The following TULP4 variants were observed in gnomAD, a reference collection of about 807,000 sequenced individuals.
The protein encoded by TULP4 is tubby-related protein 4.
In TULP4, 16 loss-of-function variants were observed where a neutral mutation model predicts 129.0. The observed-to-expected ratio is 0.12, with a 90% CI of 0.08 to 0.19. The LOEUF (loss-of-function observed/expected upper bound fraction) is 0.19. TULP4 is among the 10% of genes least tolerant of loss of function. TULP4 has a pLI of 1.00. For missense variants in TULP4, 1,842 were observed against 2,059.1 expected, an observed-to-expected ratio of 0.89 and a Z score of 2.04; for synonymous variants, 998 against 854.0, an observed-to-expected ratio of 1.17 and a Z score of -2.94.
At chr6:158,454,621 T>C (rs1779251524) in intron 5 of TULP4, among the ~76,000 whole-genome samples, 1 of 151,998 alleles carries the variant, frequency 6.6e-6, no homozygotes, top group Non-Finnish European at 1.5e-5. Flanking sequence ...TTTTTTTTTT[T>C]TGAGATGGAG....
At chr6:158,234,732 T>C (rs1777656956) in intron 1 of TULP4, among the ~76,000 whole-genome samples, 1 of 152,232 alleles carries the variant, frequency 6.6e-6, no homozygotes, top group Non-Finnish European at 1.5e-5. Flanking sequence ...AATTGTACAT[T>C]TGTCTTTAGT....
At chr6:158,266,603 A>G (rs1235694073) in intron 1 of TULP4, among the ~76,000 whole-genome samples, 1 of 152,210 alleles carries the variant, frequency 6.6e-6, no homozygotes, top group Non-Finnish European at 1.5e-5. Flanking sequence ...GGCTCTACAT[A>G]TCCGCAGGTT....
upstream of TULP4, among the ~76,000 whole-genome samples, chr6:158,308,619 T>C (rs1331631052): frequency 9.2e-3 from 812 of 88,144 alleles, no homozygotes; most frequent in Middle Eastern, 0.037. Context: ...GGGCGGCTGG[T>C]CGGGCGGGGG....
intron 1 of TULP4, among the ~76,000 whole-genome samples, chr6:158,300,244 C>A (rs958507129): frequency 5.3e-5 from 8 of 152,208 alleles, no homozygotes; most frequent in African/African-American, 1.9e-4. Context: ...CTCTTCCCCA[C>A]GTTGTAATTG....
chr6:158,280,525 G>A (rs1339846453), upstream of TULP4, among the ~76,000 whole-genome samples: 1 of 152,244 alleles, frequency 6.6e-6, no homozygotes, highest in Non-Finnish European at 1.5e-5. Context: ...TGCCAAAGGA[G>A]AAAACTGGTC....
intron 6 of TULP4, among the ~76,000 whole-genome samples, chr6:158,476,216 G>A (rs1343350013): frequency 6.6e-6 from 1 of 152,054 alleles, no homozygotes; most frequent in Non-Finnish European, 1.5e-5. Flanking sequence ...CAATGTGTCC[G>A]TGCCCTGCCC....
At chr6:158,268,744 G>A (rs1204261414) in intron 1 of TULP4, among the ~76,000 whole-genome samples, 2 of 152,084 alleles carry the variant, frequency 1.3e-5, no homozygotes, top group African/African-American at 4.8e-5. Flanking sequence ...TTTTCCAGAT[G>A]GAAAATTATA....
At chr6:158,450,259 G>T (rs1377687659) in intron 4 of TULP4, among the ~76,000 whole-genome samples, 2 of 152,160 alleles carry the variant, frequency 1.3e-5, no homozygotes, top group East Asian at 1.9e-4. Flanking sequence ...TAGTCAAAGG[G>T]CACAGTGGGT....
rs181632447 is a variant in TULP4 at position 158,343,259 on chromosome 6, T to G, written c.252+28991T>G. ...GCTAGACTGGAACTCAGATTCTGGTTGAAACTGTGTCCAAAATGGTGTTGT... is the reference window on the plus strand; with the variant it reads ...GCTAGACTGGAACTCAGATTCTGGTGGAAACTGTGTCCAAAATGGTGTTGT... On this transcript the variant is annotated intron_variant, in intron 1 of 13. Coordinates refer to ENST00000367097, the MANE Select transcript of TULP4 (RefSeq NM_020245.5). 2.4e-3 allele frequency among the ~76,000 whole-genome samples: 369 copies of G among 152,306 alleles called. 1 individual carries two copies. The highest frequency in any genetic ancestry group is 0.01 in the Middle Eastern group (3 of 292).
At chr6:158,467,796 G>A (rs1779586487) in intron 6 of TULP4, among the ~76,000 whole-genome samples, 1 of 152,178 alleles carries the variant, frequency 6.6e-6, no homozygotes, top group Non-Finnish European at 1.5e-5. Context: ...CTGTTTCTCA[G>A]TTTACCAGAT....
At chr6:158,496,536 C>T (rs1218494250) in intron 11 of TULP4, among the ~76,000 whole-genome samples, 1 of 152,154 alleles carries the variant, frequency 6.6e-6, no homozygotes, top group Admixed American at 6.5e-5. Context: ...GCAAATAAAT[C>T]TCTCATAATA....
intron 1 of TULP4, among the ~76,000 whole-genome samples, chr6:158,373,719 CTTAT>C (rs1372585497): frequency 6.6e-6 from 1 of 152,210 alleles, no homozygotes; most frequent in Non-Finnish European, 1.5e-5. Flanking sequence ...TTCCCCAGAA[CTTAT>C]TTATAATACT....
At chr6:158,421,005 G>C (rs573905174) in intron 2 of TULP4, among the ~76,000 whole-genome samples, 2 of 152,086 alleles carry the variant, frequency 1.3e-5, no homozygotes, top group Admixed American at 1.3e-4. Flanking sequence ...CAAAGTGGTC[G>C]GGCCGCAGTT....
At chr6:158,239,370 C>CCT (rs1362767521) in intron 1 of TULP4, among the ~76,000 whole-genome samples, 1 of 72,672 alleles carries the variant, frequency 1.4e-5, no homozygotes, top group African/African-American at 4.2e-5. Context: ...GGCTGACACC[C>CCT]CCCACCTCCC....
chr6:158,487,283 AC>A (rs1780094824), intron 8 of TULP4, among the ~76,000 whole-genome samples: 1 of 151,960 alleles, frequency 6.6e-6, no homozygotes, highest in Admixed American at 6.6e-5. Context: ...TAAAGAAAAT[AC>A]AAAAAATTAG....
intron 1 of TULP4, among the ~76,000 whole-genome samples, chr6:158,396,349 A>G (rs1777715647): frequency 1.3e-5 from 2 of 152,184 alleles, no homozygotes; most frequent in African/African-American, 4.8e-5. Context: ...CGTAAAAGCA[A>G]TTCAGTCAGG....
chr6:158,504,058 C>T lies in TULP4; in HGVS notation c.4395C>T (p.Tyr1465=), dbSNP rs778579362. The change falls in exon 13 of 14, where the codon TAC becomes TAT. Residue 1465 remains tyrosine (Y), a synonymous_variant. Coordinates refer to ENST00000367097, the MANE Select transcript of TULP4 (RefSeq NM_020245.5). ...DGRLGSQGFV[Y]VMANKQPLWN... ...GGCTGGGCAGCCAAGGCTTCGTGTA[C>T]GTGATGGCCAACAAGCAGCCGCTGT... 46 of 1,608,840 alleles carry T rather than the reference C, an allele frequency of 2.9e-5. No individual in the cohort carries two copies. The Admixed American group carries it at 7.3e-4, about 26-fold the overall frequency.
At chr6:158,261,385 A>G (rs1778349307) in intron 1 of TULP4, among the ~76,000 whole-genome samples, 1 of 152,212 alleles carries the variant, frequency 6.6e-6, no homozygotes, top group Non-Finnish European at 1.5e-5. Context: ...CGCTACAAGT[A>G]CACTTTTTCC....
intron 1 of TULP4, among the ~76,000 whole-genome samples, chr6:158,388,326 T>TC (rs1777500303): frequency 8.5e-6 from 1 of 117,002 alleles, no homozygotes; most frequent in African/African-American, 3.2e-5. Context: ...GTTTTTCTTT[T>TC]TTTTTTTTTT....
Sources: allele counts gnomAD v4.1 joint callset (sites outside exome capture counted in the v4.1 genomes callset), GRCh38; gene constraint gnomAD v4.1.1; transcripts MANE v1.5; gene names NCBI Gene and HGNC (gene_info 2026-07-23, HGNC 2026-07-21).